Variants in SENP7 observed in about 807,000 individuals in gnomAD.
SENP7 encodes the protein sentrin-specific protease 7.
SENP7 carries 64 observed loss-of-function variants against 141.2 expected under a neutral mutation model. The observed-to-expected ratio is 0.45, with a 90% confidence interval of 0.37 to 0.56. SENP7 has a LOEUF of 0.56. Ranked by LOEUF, SENP7 falls within the 20% of genes least tolerant of loss-of-function variation. The pLI, the probability that SENP7 is intolerant of heterozygous loss-of-function variation, is 0.00. For missense variants in SENP7, 1,025 were observed against 1,212.2 expected (o/e 0.85, Z 2.29); for synonymous variants, 382 against 426.4 (o/e 0.90, Z 1.28).
At chr3:101,360,855 A>C (rs951629425) in intron 11 of SENP7, among the ~76,000 whole-genome samples, 12 of 152,222 alleles carry the variant, frequency 7.9e-5, no homozygotes, top group African/African-American at 2.4e-5. Context: ...GAGTCAGTAT[A>C]TCAGAGAAGC....
chr3:101,416,261 A>C (rs2061618195), intron 5 of SENP7, among the ~76,000 whole-genome samples: 1 of 152,162 alleles, frequency 6.6e-6, no homozygotes, highest in East Asian at 1.9e-4. Context: ...ACTTCATATT[A>C]TATTTGAATT....
chr3:101,340,423 C>A, intron 15 of SENP7: 1 of 531,132 alleles, frequency 1.9e-6, no homozygotes, highest in Non-Finnish European at 3.1e-6. Context: ...CTTTTCTTTT[C>A]CAATACTTCC....
At chr3:101,457,093 C>A in intron 4 of SENP7, 1 of 591,874 alleles carries the variant, frequency 1.7e-6, no homozygotes, top group Non-Finnish European at 3.0e-6. Context: ...CTGAAAAGAG[C>A]TGCAGTGTCC....
At chr3:101,414,544 T>G (rs2061552422) in intron 5 of SENP7, 1 of 1,602,862 alleles carries the variant, frequency 6.2e-7, no homozygotes, top group Non-Finnish European at 8.5e-7. Flanking sequence ...GCTGGACGGT[T>G]GTGTGACCAA....
chr3:101,381,879 T>C (rs1171679894), intron 6 of SENP7, among the ~76,000 whole-genome samples: 1 of 152,176 alleles, frequency 6.6e-6, no homozygotes, highest in Non-Finnish European at 1.5e-5. Flanking sequence ...TCTTCTTTAG[T>C]GTTTATGTGG....
At chr3:101,455,418 G>C (rs532571652) in intron 4 of SENP7, among the ~76,000 whole-genome samples, 109 of 152,190 alleles carry the variant, frequency 7.2e-4, no homozygotes, top group African/African-American at 2.3e-3. Context: ...GTATTTAATA[G>C]ATATTAGCTG....
intron 4 of SENP7, among the ~76,000 whole-genome samples, chr3:101,424,376 T>C (rs2061886652): frequency 6.7e-6 from 1 of 148,402 alleles, no homozygotes; most frequent in African/African-American, 2.5e-5. Flanking sequence ...TTGCTTTCTT[T>C]GCCCCAGCAG....
At position 101,366,676 on chromosome 3, in the gene SENP7, T is replaced by C. The variant is rs778337963; in HGVS notation, c.1072A>G (p.Thr358Ala). Residue 358 changes from threonine (T) to alanine (A), a missense_variant, in exon 9 of 24, where the codon ACT (threonine) becomes GCT (alanine). Transcript: ENST00000394095. Reference sequence around the variant, plus strand: ...GTAAAATCACTTTTTGTAGGTTTAGTTGTAATTTCTTCAGGCAGTTTTGGA... The same window carrying C: ...GTAAAATCACTTTTTGTAGGTTTAGCTGTAATTTCTTCAGGCAGTTTTGGA... ...QDPKLPEEITTKPTKSDFTKL... is the reference protein window; with the variant it reads ...QDPKLPEEITAKPTKSDFTKL... 9.3e-6 allele frequency: 15 copies of C among 1,613,722 alleles called. No homozygotes were observed. Among genetic ancestry groups the C allele is most frequent in the Non-Finnish European group, 1.1e-5 (13 of 1,179,768 alleles).
At chr3:101,464,965 A>G (rs2063711304) in intron 3 of SENP7, among the ~76,000 whole-genome samples, 1 of 152,238 alleles carries the variant, frequency 6.6e-6, no homozygotes. Flanking sequence ...AAAAAGAATG[A>G]AAATACATTA....
chr3:101,415,267 A>T (rs2061580338), intron 5 of SENP7, among the ~76,000 whole-genome samples: 1 of 152,218 alleles, frequency 6.6e-6, no homozygotes, highest in Admixed American at 6.5e-5. Flanking sequence ...CAAGATGTGG[A>T]TGTACATTTC....
intron 1 of SENP7, among the ~76,000 whole-genome samples, chr3:101,502,846 G>A (rs2108170648): frequency 6.6e-6 from 1 of 151,698 alleles, no homozygotes; most frequent in Non-Finnish European, 1.5e-5. Context: ...AGCCTGGGAG[G>A]TTACAGCTGC....
intron 4 of SENP7, among the ~76,000 whole-genome samples, chr3:101,449,719 G>A (rs1327713143): frequency 6.6e-6 from 1 of 152,190 alleles, no homozygotes; most frequent in South Asian, 2.1e-4. Flanking sequence ...CCTGATGGAA[G>A]CACTAAACAT....
intron 3 of SENP7, among the ~76,000 whole-genome samples, chr3:101,475,866 A>G (rs773050108): frequency 6.6e-6 from 1 of 152,210 alleles, no homozygotes; most frequent in Non-Finnish European, 1.5e-5. Context: ...AGCAAATATG[A>G]GAACTAAAGA....
chr3:101,352,306 C>T (rs943870178), intron 11 of SENP7, among the ~76,000 whole-genome samples: 1 of 152,010 alleles, frequency 6.6e-6, no homozygotes, highest in African/African-American at 2.4e-5. Context: ...CAACTTCATT[C>T]ACAGCAGTGA....
At chr3:101,449,930 G>C (rs1175535742) in intron 4 of SENP7, among the ~76,000 whole-genome samples, 1 of 152,182 alleles carries the variant, frequency 6.6e-6, no homozygotes, top group Non-Finnish European at 1.5e-5. Context: ...ATTGGATAAA[G>C]AGTCAAGACC....
At chr3:101,354,024 A>G (rs960387569) in intron 11 of SENP7, among the ~76,000 whole-genome samples, 1 of 151,956 alleles carries the variant, frequency 6.6e-6, no homozygotes, top group African/African-American at 2.4e-5. Flanking sequence ...TATACCTAAA[A>G]ACCTGAAAAA....
chr3:101,399,194 C>A, intron 5 of SENP7, 139 bp from the exon 6 acceptor site: 1 of 463,980 alleles, frequency 2.2e-6, no homozygotes, highest in Non-Finnish European at 3.7e-6. Context: ...AGAAATTAAC[C>A]CATAAATACT....
intron 4 of SENP7, among the ~76,000 whole-genome samples, chr3:101,439,920 G>A (rs181806211): frequency 2.1e-4 from 13 of 60,904 alleles, no homozygotes; most frequent in South Asian, 6.7e-4. Flanking sequence ...CCCCCCGCCC[G>A]GCCAGCCGCC....
chr3:101,408,288 T>C (rs936344292), intron 5 of SENP7, among the ~76,000 whole-genome samples: 8 of 151,890 alleles, frequency 5.3e-5, no homozygotes, highest in African/African-American at 1.9e-4. Context: ...AATGGTAATT[T>C]AAACATTACC....
Sources: allele counts gnomAD v4.1 joint callset (sites outside exome capture counted in the v4.1 genomes callset), GRCh38; gene constraint gnomAD v4.1.1; transcripts MANE v1.5; gene names NCBI Gene and HGNC (gene_info 2026-07-23, HGNC 2026-07-21).